Variants in PDZD2 observed in about 807,000 individuals in gnomAD.
The protein encoded by PDZD2 is PDZ domain containing 2.
In PDZD2, 90 loss-of-function variants were observed where a neutral mutation model predicts 220.7. The ratio of observed to expected loss-of-function variants is 0.41; its 90% confidence interval spans 0.34 to 0.49. The LOEUF (loss-of-function observed/expected upper bound fraction) is 0.49, where lower values mean the gene tolerates loss of function less well. Among genes scored for constraint, PDZD2 ranks in the 20% least tolerant of loss-of-function variants. PDZD2 has a pLI of 0.28. For synonymous variants in PDZD2, 1,375 were observed against 1,450.5 expected, an observed-to-expected ratio of 0.95 and a Z score of 1.18; for missense variants, 3,174 against 3,608.5, an observed-to-expected ratio of 0.88 and a Z score of 3.08.
chr5:31,950,580 G>A (rs1241830030), intron 2 of PDZD2, among the ~76,000 whole-genome samples: 2 of 152,064 alleles, frequency 1.3e-5, no homozygotes, highest in Non-Finnish European at 2.9e-5. Context: ...CCCAATTCCA[G>A]AAGAAATTAA....
At chr5:32,002,671 A>G (rs577693678) in intron 5 of PDZD2, among the ~76,000 whole-genome samples, 1,748 of 119,158 alleles carry the variant, frequency 0.015, 45 homozygotes, top group African/African-American at 0.054. Context: ...CACACACACC[A>G]CACACACACC....
chr5:31,775,784 TA>T (rs1752611894), intron 1 of PDZD2, among the ~76,000 whole-genome samples: 1 of 151,644 alleles, frequency 6.6e-6, no homozygotes, highest in African/African-American at 2.4e-5. Flanking sequence ...GCTGAGAGCC[TA>T]GTAGGTGGAA....
At chr5:31,696,289 G>A (rs1747376413) in intron 1 of PDZD2, among the ~76,000 whole-genome samples, 1 of 152,080 alleles carries the variant, frequency 6.6e-6, no homozygotes. Context: ...ACTATGGGAG[G>A]AGTTCTTCCA....
intron 2 of PDZD2, among the ~76,000 whole-genome samples, chr5:31,920,076 T>A (rs2135058): frequency 6.6e-6 from 1 of 151,734 alleles, no homozygotes; most frequent in South Asian, 2.1e-4. Context: ...TTGAGCTCAG[T>A]AGTTCGAGAC....
intron 2 of PDZD2, among the ~76,000 whole-genome samples, chr5:31,822,185 G>C (rs1755914568): frequency 6.7e-6 from 1 of 150,342 alleles, no homozygotes; most frequent in East Asian, 2.0e-4. Context: ...AGTAGAATGA[G>C]TTATAATCCT....
chr5:31,715,203 G>T (rs912438784), intron 1 of PDZD2, among the ~76,000 whole-genome samples: 1 of 152,100 alleles, frequency 6.6e-6, no homozygotes, highest in African/African-American at 2.4e-5. Flanking sequence ...GTTCCTCTCC[G>T]GTCTCTGGTA....
chr5:31,978,501 C>A (rs541148024), intron 2 of PDZD2, among the ~76,000 whole-genome samples: 2 of 152,074 alleles, frequency 1.3e-5, no homozygotes, highest in Admixed American at 6.6e-5. Context: ...GGGCGGATCA[C>A]GAGGTCAGGA....
At chr5:31,680,940 T>C (rs904686130) in intron 1 of PDZD2, among the ~76,000 whole-genome samples, 3 of 152,208 alleles carry the variant, frequency 2.0e-5, no homozygotes, top group Non-Finnish European at 4.4e-5. Flanking sequence ...CCTCGGACAA[T>C]TGCTGACTGT....
intron 6 of PDZD2, among the ~76,000 whole-genome samples, chr5:32,032,046 A>C (rs914052000): frequency 1.1e-4 from 16 of 152,242 alleles, no homozygotes; most frequent in Non-Finnish European, 2.4e-4. Context: ...TACTCTGAAT[A>C]GGGAGCAACA....
At chr5:31,640,020 A>AG (rs2150099883) in intron 1 of PDZD2, among the ~76,000 whole-genome samples, 1 of 152,264 alleles carries the variant, frequency 6.6e-6, no homozygotes, top group Admixed American at 6.5e-5. Context: ...ACATAGTGAT[A>AG]GGGAAATCCT....
chr5:31,697,706 C>A (rs1747431405), intron 1 of PDZD2, among the ~76,000 whole-genome samples: 1 of 152,052 alleles, frequency 6.6e-6, no homozygotes, highest in Non-Finnish European at 1.5e-5. Context: ...GGCACGAAGC[C>A]CCTCCAGCTG....
intron 5 of PDZD2, among the ~76,000 whole-genome samples, chr5:32,004,045 G>A (rs1318752838): frequency 6.6e-6 from 1 of 151,806 alleles, no homozygotes; most frequent in Admixed American, 6.6e-5. Flanking sequence ...GGAAGGGGAT[G>A]GCTTTTCTTT....
rs34098919 is a variant in PDZD2, at chr5:31,904,952, TTG to T, written c.477-78189_477-78188del. Among the ~76,000 whole-genome samples the T allele has an allele frequency of 4.0e-5, 6 of 151,318 alleles. No individual in the cohort carries two copies. The East Asian group carries it at 1.2e-3, about 30-fold the overall frequency. On this transcript the variant is annotated intron_variant, in intron 2 of 24. Coordinates refer to ENST00000438447, the MANE Select transcript of PDZD2 (RefSeq NM_178140.4). ...TCTACTTTTACCAGAGGGAGTGAAT[TTG>T]TGTGTGTGTGTGTTTTGTTCTTTTG...
intron 2 of PDZD2, among the ~76,000 whole-genome samples, chr5:31,982,847 T>C (rs1474014139): frequency 6.6e-6 from 1 of 152,224 alleles, no homozygotes; most frequent in Non-Finnish European, 1.5e-5. Flanking sequence ...TATTTTTTAA[T>C]GATATGTTAG....
chr5:31,862,681 C>A (rs1466023947), intron 2 of PDZD2, among the ~76,000 whole-genome samples: 1 of 151,822 alleles, frequency 6.6e-6, no homozygotes, highest in Admixed American at 6.6e-5. Context: ...CTACCTCAGC[C>A]TCCATAGTAG....
chr5:31,744,234 A>C (rs1396448901), intron 1 of PDZD2: 1 of 152,200 alleles, frequency 6.6e-6, no homozygotes, highest in Non-Finnish European at 1.5e-5. Flanking sequence ...TTCCATTTCT[A>C]AATCACACTC....
chr5:31,731,755 A>G (rs1197835471), intron 1 of PDZD2, among the ~76,000 whole-genome samples: 1 of 152,202 alleles, frequency 6.6e-6, no homozygotes, highest in East Asian at 1.9e-4. Flanking sequence ...CTGTTGATGA[A>G]CATTTGGGCT....
At chr5:31,960,789 C>T (rs572031396) in intron 2 of PDZD2, among the ~76,000 whole-genome samples, 20 of 151,970 alleles carry the variant, frequency 1.3e-4, no homozygotes, top group East Asian at 3.9e-4. Context: ...TTTTCATTTA[C>T]GTAATGTAAA....
chr5:31,920,935 G>A (rs978273142), intron 2 of PDZD2, among the ~76,000 whole-genome samples: 16 of 152,022 alleles, frequency 1.1e-4, no homozygotes, highest in Admixed American at 8.5e-4. Context: ...TCATGTCTTC[G>A]TTCCTTAGTA....
Sources: allele counts gnomAD v4.1 joint callset (sites outside exome capture counted in the v4.1 genomes callset), GRCh38; gene constraint gnomAD v4.1.1; transcripts MANE v1.5; gene names NCBI Gene and HGNC (gene_info 2026-07-23, HGNC 2026-07-21).